BRD7: variants seen among roughly 807,000 people sequenced by gnomAD.
BRD7 encodes bromodomain-containing protein 7.
BRD7 carries 15 observed loss-of-function variants against 82.1 expected under a neutral mutation model. The ratio of observed to expected loss-of-function variants is 0.18; its 90% confidence interval spans 0.12 to 0.28. The LOEUF (loss-of-function observed/expected upper bound fraction) is 0.28, where lower values mean the gene tolerates loss of function less well. Among genes scored for constraint, BRD7 ranks in the 10% least tolerant of loss-of-function variants. The pLI, the probability that BRD7 is intolerant of heterozygous loss-of-function variation, is 1.00. For synonymous variants in BRD7, 232 were observed against 266.9 expected (o/e 0.87, Z 1.27); for missense variants, 638 against 779.9 (o/e 0.82, Z 2.17).
At chr16:50,365,121 C>G (rs927845930) in intron 2 of BRD7, among the ~76,000 whole-genome samples, 1 of 152,164 alleles carries the variant, frequency 6.6e-6, no homozygotes, top group Non-Finnish European at 1.5e-5. Context: ...AAGCTCAGAA[C>G]TGGAGGAGGC....
chr16:50,361,449 AC>A (rs1329746734), intron 2 of BRD7, among the ~76,000 whole-genome samples: 1 of 152,184 alleles, frequency 6.6e-6, no homozygotes, highest in Non-Finnish European at 1.5e-5. Context: ...CCAGAAGTCG[AC>A]CTACAAAGCT....
intron 2 of BRD7, among the ~76,000 whole-genome samples, chr16:50,358,352 C>CCGTCTCTACAAAAAATACAAAAATT (rs1555471847): frequency 6.6e-6 from 1 of 152,014 alleles, no homozygotes; most frequent in Non-Finnish European, 1.5e-5. Context: ...TAGCGAAATC[C>CCGTCTCTACAAAAAATACAAAAATT]AGGAGTTTTG....
chr16:50,368,207 G>C lies in BRD7; in HGVS notation c.141C>G (p.Ser47Arg). Reference sequence around the variant, plus strand: ...CATGATCGTTTTTGTCTTCGAAGAGGCTGGAGTCGTGCCCCGAGCTGCCCG... The same window carrying C: ...CATGATCGTTTTTGTCTTCGAAGAGCCTGGAGTCGTGCCCCGAGCTGCCCG... ...LSTGSSGHDS[S>R]LFEDKNDHDK... is the part of the protein sequence containing the mutation. The change falls in exon 2 of 17, where the codon AGC becomes AGG. Residue 47 changes from serine to arginine, a missense_variant. Coordinates refer to ENST00000394688, the MANE Select transcript of BRD7 (RefSeq NM_013263.5). The C allele has an allele frequency of 6.2e-7, 1 of 1,614,206 alleles. No individual in the cohort carries two copies. The highest frequency in any genetic ancestry group is 8.5e-7 in the Non-Finnish European group (1 of 1,180,044).
chr16:50,333,438 T>A (rs1161375070), intron 8 of BRD7, 136 bp downstream of exon 8: 11 of 1,129,418 alleles, frequency 9.7e-6, no homozygotes, highest in Non-Finnish European at 1.2e-5. Context: ...TTATTAATTG[T>A]TTTTCTGCTA....
chr16:50,320,716 G>A lies in BRD7; in HGVS notation c.1559C>T (p.Ala520Val), dbSNP rs1597018664. 2 of 1,614,134 alleles carry A rather than the reference G, an allele frequency of 1.2e-6. No individual in the cohort carries two copies. The highest frequency in any genetic ancestry group is 2.2e-5 in the East Asian group (1 of 44,882). The change falls in exon 14 of 17, where the codon GCG becomes GTG. Residue 520 changes from alanine to valine, a missense_variant. Physicochemically the swap from Ala to Val is moderately conservative, Grantham distance 64 (BLOSUM62 0). Around this residue, in one of 3 missense-constraint regions of BRD7, gnomAD observed 402 missense variants for 500.8 expected, o/e 0.80. Transcript: ENST00000394688. ...LDSSTQDRLI[A>V]LKAVTNFGVP... ...GCCAAAATTTGTTACTGCTTTCAGC[G>A]CTATGAGCCTGTCTTGAGTACTGGA...
At chr16:50,353,006 A>C (rs752145694) in intron 4 of BRD7, among the ~76,000 whole-genome samples, 2 of 152,010 alleles carry the variant, frequency 1.3e-5, no homozygotes, top group Non-Finnish European at 2.9e-5. Context: ...TGAACAAGTT[A>C]TTTAAATATA....
intron 2 of BRD7, among the ~76,000 whole-genome samples, chr16:50,364,021 C>A (rs1269982886): frequency 6.6e-6 from 1 of 151,608 alleles, no homozygotes; most frequent in East Asian, 1.9e-4. Flanking sequence ...CATGATTGCA[C>A]CACTGCATTC....
At chr16:50,326,004 CTAAGA>C (rs2037323308) in intron 10 of BRD7, 121 bp from the exon 11 acceptor site, 1 of 1,076,568 alleles carries the variant, frequency 9.3e-7, no homozygotes, top group Admixed American at 3.2e-5. Flanking sequence ...GTTTGCAAAT[CTAAGA>C]TATTTTCTCT....
At chr16:50,333,795 ACATTTGTACTACAGT>A (rs1340059389) in intron 7 of BRD7, 98 bp from the exon 8 acceptor site, 2 of 1,037,318 alleles carry the variant, frequency 1.9e-6, no homozygotes. Context: ...TAAAGTGGAG[ACATTTGTACTACAGT>A]CACTCATTGA....
chr16:50,340,608 G>A (rs2038006571), intron 5 of BRD7, among the ~76,000 whole-genome samples: 1 of 152,128 alleles, frequency 6.6e-6, no homozygotes. Context: ...AGCAAAAAAT[G>A]TTAAAACATT....
intron 16 of BRD7, 42 bp from the exon 17 acceptor site, chr16:50,319,308 C>G: frequency 1.3e-6 from 2 of 1,589,198 alleles, no homozygotes; most frequent in Non-Finnish European, 1.7e-6. Context: ...TTGTTTTTAC[C>G]TTTTAATTAA....
chr16:50,356,322 T>C (rs1416632505), intron 2 of BRD7, among the ~76,000 whole-genome samples: 3 of 152,200 alleles, frequency 2.0e-5, no homozygotes, highest in African/African-American at 7.2e-5. Flanking sequence ...TGTCGTATGG[T>C]CTACATGGAG....
Position 50,319,294 on chromosome 16 carries a change from A to G in BRD7, c.1901-28T>C, listed in dbSNP as rs1271530791. ...GAAAGAAAAAGACATCACTTAATTC[A>G]ACATTGTTTTTACCTTTTAATTAAA... On this transcript the variant is annotated intron_variant, in intron 16 of 16. Coordinates refer to ENST00000394688, the MANE Select transcript of BRD7 (RefSeq NM_013263.5). The G allele has an allele frequency of 3.1e-6, 5 of 1,605,718 alleles. No individual in the cohort carries two copies. The South Asian group carries it at 3.4e-5, about 11-fold the overall frequency.
intron 2 of BRD7, among the ~76,000 whole-genome samples, chr16:50,362,644 T>C (rs971109342): frequency 2.6e-5 from 4 of 152,170 alleles, no homozygotes; most frequent in Non-Finnish European, 5.9e-5. Context: ...CAACACACGC[T>C]ACAACAGACG....
chr16:50,324,025 A>T (rs74805616), intron 11 of BRD7, among the ~76,000 whole-genome samples: 133 of 152,150 alleles, frequency 8.7e-4, no homozygotes, highest in Non-Finnish European at 1.4e-3. Context: ...GGGATCAAAA[A>T]ACTCTCAAAA....
intron 6 of BRD7, 36 bp from the exon 7 acceptor site, chr16:50,334,931 G>C: frequency 3.8e-6 from 6 of 1,586,622 alleles, no homozygotes; most frequent in Non-Finnish European, 5.1e-6. Flanking sequence ...TTATATGTTT[G>C]TCATTAACTT....
At chr16:50,321,910 C>A in intron 13 of BRD7, 72 bp downstream of exon 13, 12 of 1,408,480 alleles carry the variant, frequency 8.5e-6, no homozygotes, top group Non-Finnish European at 1.2e-5. Context: ...TGGGCCTTCC[C>A]ATTCTCAAGA....
At chr16:50,352,294 GTGCAGTA>G (rs755313310) in intron 4 of BRD7, among the ~76,000 whole-genome samples, 4 of 152,208 alleles carry the variant, frequency 2.6e-5, no homozygotes, top group Admixed American at 6.5e-5. Flanking sequence ...CAAAAGGATC[GTGCAGTA>G]TTTGTTCTTC....
rs1322812892 is a variant in BRD7 at position 50,321,969 on chromosome 16, A to AAAAT, written c.1500+9_1500+12dup. On this transcript the variant is annotated intron_variant, in intron 13 of 16. Transcript: ENST00000394688. ...CATTTAAATATTTCTTGTAAAGTGT[A>AAAAT]AAATAAAATCACCTCCATTTCTTTT... The AAAAT allele has an allele frequency of 6.2e-7, 1 of 1,602,352 alleles. No individual in the cohort carries two copies. Among genetic ancestry groups the AAAAT allele is most frequent in the African/African-American group, 1.3e-5 (1 of 74,396 alleles).
Sources: gnomAD v4.1 joint callset for allele counts (sites outside exome capture counted in the v4.1 genomes callset) on GRCh38, gnomAD v4.1.1 for gene constraint, gnomAD v4.1.1 regional missense constraint, MANE v1.5 for transcripts, NCBI Gene and HGNC (gene_info 2026-07-23, HGNC 2026-07-21) for gene names.